CNTN4: variants seen among roughly 807,000 people sequenced by gnomAD.
The protein encoded by CNTN4 is contactin 4, also known as contactin-4.
Under a neutral mutation model 122.5 loss-of-function variants are expected in CNTN4, and 77 were observed. That is an observed-to-expected ratio of 0.63 (90% confidence interval 0.52 to 0.76). The LOEUF is 0.76. Ranked by LOEUF, CNTN4 falls within the 30% of genes least tolerant of loss-of-function variation. The probability of loss-of-function intolerance (pLI) is 0.00; values close to 1 mark genes in which losing one functional copy is unlikely to be tolerated. For synonymous variants in CNTN4, 512 were observed against 447.0 expected, an observed-to-expected ratio of 1.15 and a Z score of -1.83; for missense variants, 1,256 against 1,259.1, an observed-to-expected ratio of 1.00 and a Z score of 0.04.
intron 3 of CNTN4, among the ~76,000 whole-genome samples, chr3:2,383,737 C>G (rs913783987): frequency 1.3e-5 from 2 of 148,988 alleles, no homozygotes; most frequent in Non-Finnish European, 3.0e-5. Flanking sequence ...TCTCCCTCTT[C>G]TCTCTTCTCC....
chr3:2,438,294 C>T (rs1288435223), intron 3 of CNTN4, among the ~76,000 whole-genome samples: 3 of 152,230 alleles, frequency 2.0e-5, no homozygotes, highest in South Asian at 2.1e-4. Context: ...CCGAGGCAGG[C>T]GGATCACCTG....
rs137911618 is a variant in CNTN4, at chr3:2,476,665, G to A, written c.-88-94751G>A. On this transcript the variant is annotated intron_variant, in intron 3 of 24. Transcript: ENST00000418658. ...CCTGGGACTATAGATGTGCGTGGAG[G>A]ATTGACTGCAGAGGGTCCTGAGGGA... 2.5e-3 allele frequency among the ~76,000 whole-genome samples: 376 copies of A among 152,302 alleles called. 1 individual carries two copies. Among genetic ancestry groups the A allele is most frequent in the Non-Finnish European group, 4.1e-3 (282 of 68,034 alleles).
chr3:2,380,345 C>G (rs1050174560), intron 3 of CNTN4, among the ~76,000 whole-genome samples: 1 of 152,104 alleles, frequency 6.6e-6, no homozygotes, highest in Non-Finnish European at 1.5e-5. Flanking sequence ...TCTTTTGATT[C>G]TTTAAGTCAT....
At chr3:2,343,306 C>T (rs183847157) in intron 3 of CNTN4, among the ~76,000 whole-genome samples, 1 of 152,210 alleles carries the variant, frequency 6.6e-6, no homozygotes, top group East Asian at 1.9e-4. Context: ...TGGAAAGTAC[C>T]TCTGATTGGT....
chr3:2,103,798 G>A (rs1030645783), intron 2 of CNTN4, among the ~76,000 whole-genome samples: 2 of 152,076 alleles, frequency 1.3e-5, no homozygotes, highest in Non-Finnish European at 2.9e-5. Context: ...AAAAGAAAAT[G>A]GTCCCTCTTG....
intron 6 of CNTN4, among the ~76,000 whole-genome samples, chr3:2,812,534 T>G (rs2092637288): frequency 6.6e-6 from 1 of 152,254 alleles, no homozygotes; most frequent in South Asian, 2.1e-4. Context: ...GAGGATATAT[T>G]TTAAGTCTTA....
chr3:2,178,886 A>G (rs541099608), intron 2 of CNTN4, among the ~76,000 whole-genome samples: 12 of 152,206 alleles, frequency 7.9e-5, no homozygotes, highest in Non-Finnish European at 1.2e-4. Flanking sequence ...TAGGCTGTGT[A>G]TATATTGAAT....
chr3:2,516,047 T>C (rs1023511267), intron 3 of CNTN4, among the ~76,000 whole-genome samples: 3 of 152,120 alleles, frequency 2.0e-5, no homozygotes, highest in African/African-American at 7.2e-5. Flanking sequence ...ATGACAGCTT[T>C]TAAATGTTAG....
intron 3 of CNTN4, among the ~76,000 whole-genome samples, chr3:2,471,979 C>G (rs35763288): frequency 6.6e-6 from 1 of 151,872 alleles, no homozygotes; most frequent in Non-Finnish European, 1.5e-5. Context: ...AAGTATTTCT[C>G]AAGCTACCTA....
chr3:2,880,744 G>A (rs186907384), intron 8 of CNTN4, among the ~76,000 whole-genome samples: 190 of 152,318 alleles, frequency 1.2e-3, no homozygotes, highest in African/African-American at 3.3e-3. Flanking sequence ...CTTCGTAAGA[G>A]ATTAAGATGA....
At chr3:2,785,445 TG>T (rs368578096) in intron 6 of CNTN4, among the ~76,000 whole-genome samples, 18 of 152,108 alleles carry the variant, frequency 1.2e-4, no homozygotes, top group South Asian at 2.1e-4. Context: ...ACCACATAGT[TG>T]GGGGGCAGTC....
At position 2,507,314 on chromosome 3, in the gene CNTN4, G is replaced by A. The variant is rs184475646; in HGVS notation, c.-88-64102G>A. Among the ~76,000 whole-genome samples, 344 of 152,242 alleles carry A rather than the reference G, an allele frequency of 2.3e-3. 1 individual carries two copies. The highest frequency in any genetic ancestry group is 2.1e-3 in the Non-Finnish European group (142 of 68,020). On this transcript the variant is annotated intron_variant, in intron 3 of 24. Transcript: ENST00000418658. The stretch of plus-strand genomic sequence containing the variant: ...ACAGCCAGTAGCACCCCTACCCCAA[G>A]TGGTAACAACCAAAAATCAGGGTTT...
At chr3:2,131,135 A>C (rs1204144610) in intron 2 of CNTN4, among the ~76,000 whole-genome samples, 1 of 152,220 alleles carries the variant, frequency 6.6e-6, no homozygotes, top group Non-Finnish European at 1.5e-5. Flanking sequence ...TCTTTGAAGA[A>C]GGTGATAGTA....
intron 10 of CNTN4, among the ~76,000 whole-genome samples, chr3:2,890,367 C>A (rs1348034126): frequency 2.0e-5 from 3 of 152,136 alleles, no homozygotes; most frequent in Non-Finnish European, 2.9e-5. Flanking sequence ...ATTAAAATCA[C>A]CATGTAGATG....
intron 4 of CNTN4, among the ~76,000 whole-genome samples, chr3:2,630,773 G>A (rs539298602): frequency 6.6e-6 from 1 of 151,824 alleles, no homozygotes; most frequent in African/African-American, 2.4e-5. Flanking sequence ...AGGATTTGTT[G>A]AGTAGCGTTC....
At chr3:2,214,663 T>C (rs2038762531) in intron 2 of CNTN4, among the ~76,000 whole-genome samples, 1 of 152,112 alleles carries the variant, frequency 6.6e-6, no homozygotes, top group African/African-American at 2.4e-5. Context: ...AAGAAAATCA[T>C]AGAGCCCATC....
At chr3:2,487,834 G>A (rs1237735302) in intron 3 of CNTN4, among the ~76,000 whole-genome samples, 1 of 152,078 alleles carries the variant, frequency 6.6e-6, no homozygotes, top group East Asian at 1.9e-4. Flanking sequence ...AACAATATTA[G>A]CATTTAGTAG....
In CNTN4 at chr3:2,362,095, C is replaced by T. The variant is rs1050523050; in HGVS notation, c.-89+22862C>T. 2.0e-5 allele frequency among the ~76,000 whole-genome samples: 3 copies of T among 152,144 alleles called. 1 individual carries two copies. Among genetic ancestry groups the T allele is most frequent in the Admixed American group, 1.3e-4 (2 of 15,288 alleles). ...AGCATAGGCATGAACTTGGTGCATTCAAAAAACTGTAAGGAACCAAGTATG... is the reference window on the plus strand; with the variant it reads ...AGCATAGGCATGAACTTGGTGCATTTAAAAAACTGTAAGGAACCAAGTATG... On this transcript the variant is annotated intron_variant, in intron 3 of 24. Transcript: ENST00000418658.
intron 7 of CNTN4, among the ~76,000 whole-genome samples, chr3:2,839,660 C>A (rs2093309799): frequency 6.6e-6 from 1 of 152,254 alleles, no homozygotes; most frequent in Non-Finnish European, 1.5e-5. Flanking sequence ...GTTGGGAAGA[C>A]CCTGAGGAAG....
Sources: gnomAD v4.1 joint callset for allele counts (sites outside exome capture counted in the v4.1 genomes callset) on GRCh38, gnomAD v4.1.1 for gene constraint, MANE v1.5 for transcripts, NCBI Gene and HGNC (gene_info 2026-07-23, HGNC 2026-07-21) for gene names.